GRAMD1B: variants seen among roughly 807,000 people sequenced by gnomAD.
GRAMD1B encodes GRAM domain containing 1B, also known as protein Aster-B.
In GRAMD1B, 37 loss-of-function variants were observed where a neutral mutation model predicts 99.7. That is an observed-to-expected ratio of 0.37 (90% CI 0.29 to 0.49). The LOEUF (loss-of-function observed/expected upper bound fraction) is 0.49, where lower values mean the gene tolerates loss of function less well. GRAMD1B is among the 20% of genes least tolerant of loss of function. The probability of loss-of-function intolerance (pLI) is 0.98; values close to 1 mark genes in which losing one functional copy is unlikely to be tolerated. For missense variants in GRAMD1B, 888 were observed against 1,009.2 expected (o/e 0.88, Z 1.63); for synonymous variants, 427 against 387.6 (o/e 1.10, Z -1.19).
intron 2 of GRAMD1B, among the ~76,000 whole-genome samples, chr11:123,574,216 A>G (rs549245248): frequency 6.6e-6 from 1 of 152,292 alleles, no homozygotes; most frequent in African/African-American, 2.4e-5. Context: ...AATTGGGGGA[A>G]AGTGTATAGG....
intron 1 of GRAMD1B, among the ~76,000 whole-genome samples, chr11:123,420,306 A>C (rs1444411908): frequency 1.3e-5 from 2 of 152,192 alleles, no homozygotes; most frequent in Admixed American, 6.5e-5. Context: ...CCGATCCCTG[A>C]TGACTCATCT....
At chr11:123,545,714 A>G (rs1314014915) in intron 2 of GRAMD1B, among the ~76,000 whole-genome samples, 1 of 151,340 alleles carries the variant, frequency 6.6e-6, no homozygotes, top group African/African-American at 2.4e-5. Context: ...TGCCTCATTG[A>G]TAAGAGTATT....
chr11:123,358,973 G>A (rs889337893), intron 1 of GRAMD1B, among the ~76,000 whole-genome samples: 1 of 152,152 alleles, frequency 6.6e-6, no homozygotes, highest in African/African-American at 2.4e-5. Flanking sequence ...GCCAGGTAAA[G>A]CTATTAACAT....
In GRAMD1B at chr11:123,587,124, C is replaced by A. The variant is rs1265120873; in HGVS notation, c.684+2792C>A. ...CTCCCCTTCACCTGCTGCCTCTCTG[C>A]AGAAGACAAAAGCATTTCCTTTGAC... On this transcript the variant is annotated intron_variant, in intron 4 of 19. Transcript: ENST00000635736. This position sits in a 1 kb window ranked among gnomAD's most constrained non-coding sequence, Gnocchi z 4.2. 9.9e-5 allele frequency among the ~76,000 whole-genome samples: 15 copies of A among 152,214 alleles called. No individual in the cohort carries two copies. Among genetic ancestry groups the A allele is most frequent in the Admixed American group, 9.8e-4 (15 of 15,290 alleles).
At chr11:123,555,791 T>G (rs1403055707) in intron 2 of GRAMD1B, among the ~76,000 whole-genome samples, 1 of 152,150 alleles carries the variant, frequency 6.6e-6, no homozygotes, top group African/African-American at 2.4e-5. Flanking sequence ...TGGAGCACAA[T>G]GGCACGATCT....
chr11:123,593,972 G>A (rs1950966072), intron 4 of GRAMD1B, 110 bp from the exon 5 acceptor site: 3 of 753,252 alleles, frequency 4.0e-6, no homozygotes, highest in Non-Finnish European at 7.1e-6. Flanking sequence ...GGAGGGCAGA[G>A]CCTCATCTTT....
chr11:123,613,249 G>A (rs1953850592), intron 15 of GRAMD1B: 2 of 586,622 alleles, frequency 3.4e-6, no homozygotes, highest in East Asian at 5.6e-5. Flanking sequence ...GGGAACATAT[G>A]GTTCCTTGCA....
chr11:123,501,098 A>G lies in GRAMD1B; in HGVS notation c.452+20205A>G, dbSNP rs149369683. Among the ~76,000 whole-genome samples, 616 of 152,300 alleles carry G rather than the reference A, an allele frequency of 4.0e-3. 1 individual carries two copies. The highest frequency in any genetic ancestry group is 7.4e-3 in the Non-Finnish European group (500 of 68,014). On this transcript the variant is annotated intron_variant, in intron 2 of 19. Transcript: ENST00000635736. ...CTTCTAGATGAGGCTTAGATTGTCC[A>G]CTGTCAAGCTTGTTGGTAGCATAGG...
intron 1 of GRAMD1B, among the ~76,000 whole-genome samples, chr11:123,462,115 C>A (rs1027014063): frequency 6.6e-6 from 1 of 151,922 alleles, no homozygotes; most frequent in African/African-American, 2.4e-5. Context: ...CACAGGCGCC[C>A]GCCACCATGC....
At chr11:123,443,959 T>C (rs1288147109) in intron 1 of GRAMD1B, among the ~76,000 whole-genome samples, 1 of 143,210 alleles carries the variant, frequency 7.0e-6, no homozygotes, top group Non-Finnish European at 1.6e-5. Context: ...TAGAAAAGAG[T>C]GTCTGGGTTA....
chr11:123,617,907 C>T (rs1314599571), intron 17 of GRAMD1B, among the ~76,000 whole-genome samples: 1 of 152,128 alleles, frequency 6.6e-6, no homozygotes, highest in Non-Finnish European at 1.5e-5. Flanking sequence ...TCCCCTGTCT[C>T]TCACCAGTTC....
intron 1 of GRAMD1B, among the ~76,000 whole-genome samples, chr11:123,369,311 A>G (rs1946437997): frequency 6.6e-6 from 1 of 152,176 alleles, no homozygotes; most frequent in Admixed American, 6.5e-5. Context: ...TAAAAAGAAA[A>G]AAAGGAAATC....
chr11:123,515,091 C>T (rs996546178), intron 2 of GRAMD1B, among the ~76,000 whole-genome samples: 7 of 152,194 alleles, frequency 4.6e-5, no homozygotes, highest in Admixed American at 1.3e-4. Context: ...GGTGCTAGAA[C>T]TGACACGACG....
chr11:123,472,097 G>T (rs1209608272), intron 1 of GRAMD1B, among the ~76,000 whole-genome samples: 1 of 152,034 alleles, frequency 6.6e-6, no homozygotes, highest in Non-Finnish European at 1.5e-5. Context: ...GCCAGGCATG[G>T]TGGTGCGGGC....
At chr11:123,437,183 G>A (rs1009713621) in intron 1 of GRAMD1B, among the ~76,000 whole-genome samples, 2 of 152,116 alleles carry the variant, frequency 1.3e-5, no homozygotes, top group African/African-American at 4.8e-5. Flanking sequence ...TGGCCATGTT[G>A]CCCTCTGAGC....
At chr11:123,441,080 C>G (rs1010311035) in intron 1 of GRAMD1B, among the ~76,000 whole-genome samples, 3 of 152,134 alleles carry the variant, frequency 2.0e-5, no homozygotes, top group Non-Finnish European at 2.9e-5. Flanking sequence ...AAACCTCTTT[C>G]TTTTGTAAAT....
intron 1 of GRAMD1B, among the ~76,000 whole-genome samples, chr11:123,421,973 C>A (rs956836654): frequency 6.6e-6 from 1 of 152,276 alleles, no homozygotes; most frequent in South Asian, 2.1e-4. Flanking sequence ...TTTCATACAT[C>A]AGGATTGCTT....
intron 1 of GRAMD1B, among the ~76,000 whole-genome samples, chr11:123,453,157 A>T (rs1212274904): frequency 6.6e-6 from 1 of 152,154 alleles, no homozygotes; most frequent in Non-Finnish European, 1.5e-5. Flanking sequence ...GGAAGAAACA[A>T]TTGTCAGTGT....
chr11:123,620,950 G>A (rs534570322), intron 19 of GRAMD1B, among the ~76,000 whole-genome samples: 1 of 152,226 alleles, frequency 6.6e-6, no homozygotes, highest in South Asian at 2.1e-4. Context: ...TGGGGCAGTT[G>A]GACTAGATGA....
Sources: allele counts gnomAD v4.1 joint callset (sites outside exome capture counted in the v4.1 genomes callset), GRCh38; gene constraint gnomAD v4.1.1; non-coding constraint Gnocchi (gnomAD v3.1); transcripts MANE v1.5; gene names NCBI Gene and HGNC (gene_info 2026-07-23, HGNC 2026-07-21).